SMG6: variants seen among roughly 807,000 people sequenced by gnomAD.
The protein encoded by SMG6 is SMG6 nonsense mediated mRNA decay factor, also known as telomerase-binding protein EST1A.
SMG6 carries 66 observed loss-of-function variants against 142.2 expected under a neutral mutation model. The ratio of observed to expected loss-of-function variants is 0.46; its 90% CI spans 0.38 to 0.57. The LOEUF is 0.57. Among genes scored for constraint, SMG6 ranks in the 20% least tolerant of loss-of-function variants. The pLI is 0.00. For synonymous variants in SMG6, 779 were observed against 702.4 expected, an observed-to-expected ratio of 1.11 and a Z score of -1.72; for missense variants, 1,793 against 1,832.0, an observed-to-expected ratio of 0.98 and a Z score of 0.39.
chr17:2,235,255 G>T (rs1414423032), intron 10 of SMG6, among the ~76,000 whole-genome samples: 1 of 152,168 alleles, frequency 6.6e-6, no homozygotes, highest in Non-Finnish European at 1.5e-5. Context: ...TAAGCCCCTG[G>T]ATCTCACTTT....
chr17:2,267,423 C>T (rs1186864935), intron 8 of SMG6, among the ~76,000 whole-genome samples: 1 of 151,954 alleles, frequency 6.6e-6, no homozygotes. Flanking sequence ...TGAATGAACT[C>T]CTGGATTCAA....
intron 13 of SMG6, among the ~76,000 whole-genome samples, chr17:2,169,445 C>T (rs1038730620): frequency 2.0e-5 from 3 of 152,058 alleles, no homozygotes; most frequent in Admixed American, 6.5e-5. Flanking sequence ...TTTCCCCTGC[C>T]GTGGATGGAG....
intron 13 of SMG6, among the ~76,000 whole-genome samples, chr17:2,129,359 G>A (rs906214261): frequency 6.6e-6 from 1 of 151,574 alleles, no homozygotes; most frequent in Non-Finnish European, 1.5e-5. Context: ...ATATAAACAG[G>A]TTAAAAAGAA....
In SMG6 at chr17:2,299,985, CGTGCG is replaced by C. The variant is rs2075239703; in HGVS notation, c.763_767del (p.Arg255AlafsTer13). On this transcript the variant is annotated frameshift_variant, in exon 2 of 19. Transcript: ENST00000263073. LOFTEE classifies it high-confidence loss of function. This position sits in a 1 kb window ranked among gnomAD's most constrained non-coding sequence, Gnocchi z 4.3. ...TGCTGCCAGCTGAGCTGGTGCTGCGCGTGCGGTAGCGATTCCTTCGTTTGTCTGAG... is the reference window on the plus strand; with the variant it reads ...TGCTGCCAGCTGAGCTGGTGCTGCGCGTAGCGATTCCTTCGTTTGTCTGAG... The C allele has an allele frequency of 6.2e-7, 1 of 1,614,074 alleles. No individual in the cohort carries two copies.
Position 2,300,396 on chromosome 17 carries a change from T to C in SMG6, c.357A>G (p.Glu119=), listed in dbSNP as rs1350459074. The C allele has an allele frequency of 6.2e-7, 1 of 1,614,150 alleles. No homozygotes were observed. The highest frequency in any genetic ancestry group is 2.2e-5 in the East Asian group (1 of 44,890). Residue 119 remains glutamate, a synonymous_variant, in exon 2 of 19, where the codon GAA becomes GAG. Transcript: ENST00000263073. ...PIDPENNRGQ[E]SFPRTAGQED... is the part of the protein sequence containing the mutation. ...CTTGTCCAGCAGTCCTAGGAAAGGA[T>C]TCTTGTCCCCGATTATTTTCTGGGT...
intron 13 of SMG6, among the ~76,000 whole-genome samples, chr17:2,138,112 A>G (rs536711333): frequency 6.6e-6 from 1 of 152,180 alleles, no homozygotes; most frequent in South Asian, 2.1e-4. Flanking sequence ...TGGTGTTGTT[A>G]TATCACAACA....
At chr17:2,303,527 G>A (rs899112522) in intron 1 of SMG6, 106 bp downstream of exon 1, 4 of 1,335,484 alleles carry the variant, frequency 3.0e-6, no homozygotes, top group Non-Finnish European at 3.8e-6. Flanking sequence ...GCTGGGGGAA[G>A]GGGCGGGGGC....
Position 2,139,420 on chromosome 17 carries a change from T to TTTTTC in SMG6, c.3357+33233_3357+33237dup, listed in dbSNP as rs1469286058. 7.1e-5 allele frequency among the ~76,000 whole-genome samples: 9 copies of TTTTTC among 127,302 alleles called. No individual in the cohort carries two copies. The East Asian group carries it at 8.6e-4, about 12-fold the overall frequency. 83.5% of individuals were successfully genotyped at this position (127,302 alleles called of 152,430 possible). On this transcript the variant is annotated intron_variant, in intron 13 of 18. Transcript: ENST00000263073. ...TGAAACTTATGGAAAAGTGCCTGCT[T>TTTTTC]TTTTCTTTTTTTTTTTTTTGAGATG... is the stretch of plus-strand genomic sequence containing the variant.
chr17:2,061,414 G>C lies in SMG6; in HGVS notation c.*78C>G. 1 of 1,402,110 alleles carries C rather than the reference G, an allele frequency of 7.1e-7. No individual in the cohort carries two copies. Among genetic ancestry groups the C allele is most frequent in the Non-Finnish European group, 9.6e-7 (1 of 1,037,344 alleles). 86.9% of individuals were successfully genotyped at this position (1,402,110 alleles called of 1,614,324 possible). ...GTGGATTGGTGGCTCAGGCACGTGGGCATCTTCCGTGCTACACTGGGCGCC... is the reference window on the plus strand; with the variant it reads ...GTGGATTGGTGGCTCAGGCACGTGGCCATCTTCCGTGCTACACTGGGCGCC... On this transcript the variant is annotated 3_prime_UTR_variant, in exon 19 of 19. Transcript: ENST00000263073.
rs201099889 is a variant in SMG6, at chr17:2,158,745, T to C, written c.3357+13913A>G. On this transcript the variant is annotated intron_variant, in intron 13 of 18. Transcript: ENST00000263073. ...CAGCCTGGGCAACATGGCGAAACCATGGCTCTACGAAAATTACAAAAATTA... is the reference window on the plus strand; with the variant it reads ...CAGCCTGGGCAACATGGCGAAACCACGGCTCTACGAAAATTACAAAAATTA... Among the ~76,000 whole-genome samples, 44 of 151,834 alleles carry C rather than the reference T, an allele frequency of 2.9e-4. No homozygotes were observed. In the East Asian group the frequency reaches 6.8e-3, roughly 23 times the overall value.
chr17:2,239,202 C>T (rs984345442), intron 9 of SMG6, among the ~76,000 whole-genome samples: 10 of 152,200 alleles, frequency 6.6e-5, no homozygotes, highest in Non-Finnish European at 1.5e-4. Flanking sequence ...GAAGAATACA[C>T]GCCCTGATGT....
intron 10 of SMG6, chr17:2,212,491 G>C (rs958532161): frequency 1.7e-4 from 26 of 152,188 alleles, no homozygotes; most frequent in African/African-American, 6.3e-4. Flanking sequence ...ACAAACCACA[G>C]AGTTGGCTTT....
Position 2,299,411 on chromosome 17 carries a change from G to A in SMG6, c.1342C>T (p.Arg448Cys), listed in dbSNP as rs752746962. The part of the protein sequence containing the change: ...SGSKGSRSWG[R>C]GGTTRRLWDP... ...CACAATCGGCGTGTGGTGCCTCCAC[G>A]GCCCCAACTCCGAGATCCCTTACTA... Residue 448 changes from arginine (R) to cysteine (C), a missense_variant, in exon 2 of 19, where the codon CGT (arginine) becomes TGT (cysteine). Around this residue, in one of 3 missense-constraint regions of SMG6, gnomAD observed 1,597 missense variants for 1,584.6 expected, o/e 1.01. Transcript: ENST00000263073. The surrounding 1 kb of genome is among the most constrained non-coding windows in gnomAD (Gnocchi z 4.3). The A allele has an allele frequency of 8.1e-6, 13 of 1,613,468 alleles. No individual in the cohort carries two copies. Among genetic ancestry groups the A allele is most frequent in the African/African-American group, 2.7e-5 (2 of 74,860 alleles).
At position 2,060,590 on chromosome 17, in the gene SMG6, C is replaced by G. The variant is rs550804441; in HGVS notation, c.*902G>C. On this transcript the variant is annotated 3_prime_UTR_variant, in exon 19 of 19. Coordinates refer to ENST00000263073, the MANE Select transcript of SMG6 (RefSeq NM_017575.5). ...GGATCAGGGAGGTGAAAAGGATCAA[C>G]TAGAAGGGGAAGAAGGGTGAGGGGC... The G allele has an allele frequency of 1.3e-4, 20 of 152,224 alleles. No homozygotes were observed. Among genetic ancestry groups the G allele is most frequent in the African/African-American group, 4.8e-4 (20 of 41,430 alleles). 9.4% of individuals were successfully genotyped at this position (152,224 alleles called of 1,614,324 possible).
chr17:2,240,564 G>A (rs1302403226), intron 9 of SMG6, among the ~76,000 whole-genome samples: 1 of 152,112 alleles, frequency 6.6e-6, no homozygotes, highest in Non-Finnish European at 1.5e-5. Flanking sequence ...CCACTGATCA[G>A]GTTAGTTGAA....
chr17:2,158,882 G>A (rs2071088681), intron 13 of SMG6, among the ~76,000 whole-genome samples: 1 of 138,138 alleles, frequency 7.2e-6, no homozygotes, highest in South Asian at 2.2e-4. Flanking sequence ...AAAAAAGTTT[G>A]CTGTTCAAGA....
At chr17:2,289,342 G>C (rs1416487015) in intron 6 of SMG6, among the ~76,000 whole-genome samples, 1 of 152,082 alleles carries the variant, frequency 6.6e-6, no homozygotes, top group Non-Finnish European at 1.5e-5. Flanking sequence ...GATCACTTGA[G>C]GCCAGGAGTT....
chr17:2,298,893 G>T lies in SMG6; in HGVS notation c.1847+13C>A. 1 of 1,606,002 alleles carries T rather than the reference G, an allele frequency of 6.2e-7. No individual in the cohort carries two copies. Among genetic ancestry groups the T allele is most frequent in the Non-Finnish European group, 8.5e-7 (1 of 1,175,562 alleles). ...TCCCCATTTCCCTCCAGCCAGAATAGACCACATCATACCTGAGTTGCGCCA... is the reference window on the plus strand; with the variant it reads ...TCCCCATTTCCCTCCAGCCAGAATATACCACATCATACCTGAGTTGCGCCA... On this transcript the variant is annotated intron_variant, in intron 2 of 18. Coordinates refer to ENST00000263073, the MANE Select transcript of SMG6 (RefSeq NM_017575.5).
At chr17:2,123,554 A>G (rs2069771204) in intron 13 of SMG6, among the ~76,000 whole-genome samples, 1 of 152,180 alleles carries the variant, frequency 6.6e-6, no homozygotes. Context: ...CCTCCCACCT[A>G]TACACTTCTG....
Sources: allele counts gnomAD v4.1 joint callset (sites outside exome capture counted in the v4.1 genomes callset), GRCh38; gene constraint gnomAD v4.1.1; regional missense constraint gnomAD v4.1.1; non-coding constraint Gnocchi (gnomAD v3.1); transcripts MANE v1.5; gene names NCBI Gene and HGNC (gene_info 2026-07-23, HGNC 2026-07-21).